Variants in MOGAT2 observed in about 807,000 individuals in gnomAD.
MOGAT2 encodes the protein 2-acylglycerol O-acyltransferase 2.
MOGAT2 carries 27 observed loss-of-function variants against 31.5 expected under a neutral mutation model. The ratio of observed to expected loss-of-function variants is 0.86; its 90% CI spans 0.63 to 1.18. MOGAT2 has a LOEUF of 1.18. Ranked by LOEUF, MOGAT2 falls within the 50% of genes most tolerant of loss-of-function variation. MOGAT2 has a pLI of 0.00. For synonymous variants in MOGAT2, 163 were observed against 170.0 expected, an observed-to-expected ratio of 0.96 and a Z score of 0.32; for missense variants, 436 against 433.2, an observed-to-expected ratio of 1.01 and a Z score of -0.06.
At chr11:75,729,069 G>A in intron 5 of MOGAT2, 80 bp downstream of exon 5, 1 of 1,383,434 alleles carries the variant, frequency 7.2e-7, no homozygotes, top group Admixed American at 1.7e-5. Flanking sequence ...ATGGAGATGA[G>A]CCAGATTTAT....
At chr11:75,728,308 G>T (rs1174870145) in intron 4 of MOGAT2, 164 bp downstream of exon 4, 4 of 839,394 alleles carry the variant, frequency 4.8e-6, no homozygotes, top group Non-Finnish European at 7.8e-6. Flanking sequence ...CAAATACCTA[G>T]AAAAGTTTCC....
At chr11:75,718,181 C>G (rs1944346535) in intron 1 of MOGAT2, among the ~76,000 whole-genome samples, 1 of 152,208 alleles carries the variant, frequency 6.6e-6, no homozygotes, top group Non-Finnish European at 1.5e-5. Flanking sequence ...AAGTCACCGT[C>G]TGCTGCTCTG....
intron 3 of MOGAT2, 90 bp from the exon 4 acceptor site, chr11:75,727,880 G>A: frequency 2.2e-5 from 30 of 1,342,086 alleles, no homozygotes; most frequent in Non-Finnish European, 3.0e-5. Context: ...GCCTCAGTAG[G>A]CATTGCTGGT....
At chr11:75,729,566 C>T (rs1338022504) in intron 5 of MOGAT2, among the ~76,000 whole-genome samples, 5 of 152,068 alleles carry the variant, frequency 3.3e-5, no homozygotes, top group African/African-American at 9.7e-5. Flanking sequence ...TGAGCCACCG[C>T]GCCTGGCCAT....
chr11:75,730,895 A>G (rs1434736568), intron 5 of MOGAT2: 9 of 314,406 alleles, frequency 2.9e-5, no homozygotes, highest in Admixed American at 1.5e-4. Context: ...AGCCTGGGCT[A>G]CAGAGCGAGA....
chr11:75,730,552 T>C (rs919651693), intron 5 of MOGAT2, among the ~76,000 whole-genome samples: 2 of 152,188 alleles, frequency 1.3e-5, no homozygotes, highest in Non-Finnish European at 2.9e-5. Context: ...TGACAGGTTT[T>C]TATACCCATA....
At position 75,717,853 on chromosome 11, in the gene MOGAT2, T is replaced by C; in HGVS notation, c.-36T>C. The stretch of plus-strand genomic sequence containing the variant: ...TGGGTGCCTCAGACCACAGCAGAGC[T>C]CACAGAACCTGCGGGAGCCAGGCTG... On this transcript the variant is annotated 5_prime_UTR_variant, in exon 1 of 6. Coordinates refer to ENST00000198801, the MANE Select transcript of MOGAT2 (RefSeq NM_025098.4). 7 of 1,605,092 alleles carry C rather than the reference T, an allele frequency of 4.4e-6. No homozygotes were observed. Among genetic ancestry groups the C allele is most frequent in the Non-Finnish European group, 6.0e-6 (7 of 1,173,132 alleles).
chr11:75,725,693 A>G (rs1944416624), intron 2 of MOGAT2, among the ~76,000 whole-genome samples: 1 of 152,236 alleles, frequency 6.6e-6, no homozygotes, highest in African/African-American at 2.4e-5. Context: ...GAGAGAGGGC[A>G]GCCAGGCCTC....
intron 4 of MOGAT2, 136 bp from the exon 5 acceptor site, chr11:75,728,654 C>CCTCCA (rs1944444254): frequency 4.2e-6 from 3 of 720,224 alleles, no homozygotes; most frequent in Non-Finnish European, 7.1e-6. Context: ...ATAACCCAGG[C>CCTCCA]CTCCACCTCC....
intron 2 of MOGAT2, among the ~76,000 whole-genome samples, chr11:75,723,734 C>T (rs940854812): frequency 3.3e-5 from 5 of 152,262 alleles, no homozygotes; most frequent in Non-Finnish European, 7.4e-5. Flanking sequence ...ATACTTTAAA[C>T]GGATGCATTT....
chr11:75,719,370 G>C (rs1474180905), intron 1 of MOGAT2: 1 of 152,510 alleles, frequency 6.6e-6, no homozygotes, highest in Non-Finnish European at 1.5e-5. Context: ...GCAGGTTTGG[G>C]AACACTGTGT....
intron 2 of MOGAT2, among the ~76,000 whole-genome samples, chr11:75,724,618 C>T (rs1185504664): frequency 6.6e-6 from 1 of 151,638 alleles, no homozygotes; most frequent in Non-Finnish European, 1.5e-5. Flanking sequence ...GCTGAGATCA[C>T]GCCATTGCAC....
In MOGAT2 at chr11:75,727,863, A is replaced by T. The variant is rs369677978; in HGVS notation, c.476-107A>T. 737 of 1,251,880 alleles carry T rather than the reference A, an allele frequency of 5.9e-4. 5 individuals are homozygous for T. The African/African-American group carries it at 1.0e-2, about 17-fold the overall frequency. 77.5% of individuals were successfully genotyped at this position (1,251,880 alleles called of 1,614,324 possible). ...TGGAATGGGGTGCAGTGGGGGAAAA[A>T]CCCCAGGCCTCAGTAGGCATTGCTG... is the stretch of plus-strand genomic sequence containing the variant. On this transcript the variant is annotated intron_variant, in intron 3 of 5. Transcript: ENST00000198801.
In MOGAT2 at chr11:75,731,054, G is replaced by A. The variant is rs150895503; in HGVS notation, c.851-78G>A. ...TGGAGTAAGAGCACTTTTCTGCAGG[G>A]ATGAACCATGGGGGTGGGCACCTGC... On this transcript the variant is annotated intron_variant, in intron 5 of 5. Transcript: ENST00000198801. The A allele has an allele frequency of 7.1e-3, 9,511 of 1,347,892 alleles. 50 individuals carry two copies. Among genetic ancestry groups the A allele is most frequent in the Non-Finnish European group, 8.4e-3 (8,190 of 973,982 alleles). 83.5% of individuals were successfully genotyped at this position (1,347,892 alleles called of 1,614,324 possible).
intron 1 of MOGAT2, among the ~76,000 whole-genome samples, chr11:75,719,127 T>C (rs576013012): frequency 2.0e-5 from 3 of 152,340 alleles, no homozygotes; most frequent in African/African-American, 7.2e-5. Context: ...TAAGGGTTTT[T>C]AGACATTTTA....
Position 75,731,222 on chromosome 11 carries a change from AC to A in MOGAT2, c.943del (p.Leu315SerfsTer29). ...CAGCGTTATATCAAAGAGCTGTGCA[AC>A]CTCTTCGAGGCCCACAAACTTAAGT... ...LHQRYIKELC[N>X]LFEAHKLKFN... On this transcript the variant is annotated frameshift_variant, in exon 6 of 6. Transcript: ENST00000198801. LOFTEE classifies it high-confidence loss of function. 6.2e-7 allele frequency: 1 copy of A among 1,614,110 alleles called. No individual in the cohort carries two copies. The highest frequency in any genetic ancestry group is 8.5e-7 in the Non-Finnish European group (1 of 1,180,032).
rs528129128 is a variant in MOGAT2, at chr11:75,731,035, A to G, written c.851-97A>G. On this transcript the variant is annotated intron_variant, in intron 5 of 5. Coordinates refer to ENST00000198801, the MANE Select transcript of MOGAT2 (RefSeq NM_025098.4). ...TCATTAGGGTTGGAAGGAATGGAGT[A>G]AGAGCACTTTTCTGCAGGGATGAAC... 8.0e-5 allele frequency: 83 copies of G among 1,036,464 alleles called. 1 individual carries two copies. In the East Asian group the frequency reaches 1.9e-3, roughly 24 times the overall value. 64.2% of individuals were successfully genotyped at this position (1,036,464 alleles called of 1,614,324 possible).
rs1377390200 is a variant in MOGAT2 at position 75,728,920 on chromosome 11, T to C, written c.781T>C (p.Phe261Leu). 2 of 1,614,172 alleles carry C rather than the reference T, an allele frequency of 1.2e-6. No individual in the cohort carries two copies. Among genetic ancestry groups the C allele is most frequent in the East Asian group, 2.2e-5 (1 of 44,882 alleles). ...QKIMGISLPL[F>L]HGRGVFQYSF... is the part of the protein sequence containing the mutation. ...GATCATGGGCATCTCCCTCCCACTC[T>C]TTCATGGCCGTGGTGTCTTCCAGTA... Residue 261 changes from phenylalanine to leucine, a missense_variant, in exon 5 of 6, where the codon TTT (phenylalanine) becomes CTT (leucine). By Grantham distance (22) the Phe-to-Leu change is conservative. Coordinates refer to ENST00000198801, the MANE Select transcript of MOGAT2 (RefSeq NM_025098.4).
rs536764543 is a variant in MOGAT2, at chr11:75,721,031, G to A, written c.270+861G>A. 4.8e-4 allele frequency among the ~76,000 whole-genome samples: 73 copies of A among 152,200 alleles called. No individual in the cohort carries two copies. The South Asian group carries it at 0.013, about 26-fold the overall frequency. On this transcript the variant is annotated intron_variant, in intron 2 of 5. Transcript: ENST00000198801. ...ATAGGATGGGGAAGGCAGTGGGGAC[G>A]CAGAGAAGGGACAGGCAGGGGCAGT...
Sources: gnomAD v4.1 joint callset for allele counts (sites outside exome capture counted in the v4.1 genomes callset) on GRCh38, gnomAD v4.1.1 for gene constraint, MANE v1.5 for transcripts, NCBI Gene and HGNC (gene_info 2026-07-23, HGNC 2026-07-21) for gene names.